Variants in OTOGL observed in about 807,000 individuals in gnomAD.
The protein encoded by OTOGL is otogelin-like protein.
In OTOGL, 285 loss-of-function variants were observed where a neutral mutation model predicts 318.5. The observed-to-expected ratio is 0.89, with a 90% CI of 0.81 to 0.99. The LOEUF is 0.99. OTOGL is among the 50% of genes least tolerant of loss of function. OTOGL has a pLI of 0.00. For synonymous variants in OTOGL, 987 were observed against 936.5 expected (o/e 1.05, Z -0.99); for missense variants, 2,899 against 2,845.6 (o/e 1.02, Z -0.43).
chr12:80,227,223 T>G (rs1340398127), intron 7 of OTOGL, among the ~76,000 whole-genome samples: 2 of 152,200 alleles, frequency 1.3e-5, no homozygotes, highest in Non-Finnish European at 2.9e-5. Context: ...ACCTTTCTAC[T>G]TCAGTTATAC....
chr12:80,160,357 T>A (rs1873424057), intron 1 of OTOGL, among the ~76,000 whole-genome samples: 1 of 152,080 alleles, frequency 6.6e-6, no homozygotes, highest in African/African-American at 2.4e-5. Flanking sequence ...AAAGGACTAA[T>A]ATCCAGAATC....
At chr12:80,156,010 C>T (rs1261621635) in intron 1 of OTOGL, among the ~76,000 whole-genome samples, 1 of 152,110 alleles carries the variant, frequency 6.6e-6, no homozygotes, top group Non-Finnish European at 1.5e-5. Context: ...TTTCTTTATC[C>T]ACTTGTGATG....
At chr12:80,255,501 C>A (rs1881955430) in intron 16 of OTOGL, among the ~76,000 whole-genome samples, 1 of 151,770 alleles carries the variant, frequency 6.6e-6, no homozygotes, top group Admixed American at 6.6e-5. Context: ...GTTTTTTGTA[C>A]ATATAGTTTT....
intron 24 of OTOGL, among the ~76,000 whole-genome samples, chr12:80,276,970 A>T (rs1883854075): frequency 6.6e-6 from 1 of 151,436 alleles, no homozygotes; most frequent in Non-Finnish European, 1.5e-5. Flanking sequence ...GAGAAGAGGC[A>T]AGAATTCAGG....
At chr12:80,197,958 T>G (rs530306895) in intron 1 of OTOGL, among the ~76,000 whole-genome samples, 2 of 152,282 alleles carry the variant, frequency 1.3e-5, no homozygotes, top group Non-Finnish European at 2.9e-5. Flanking sequence ...CTTTCAAACT[T>G]TCTATTTTTT....
chr12:80,181,798 G>A (rs144196287), intron 1 of OTOGL, among the ~76,000 whole-genome samples: 2 of 152,174 alleles, frequency 1.3e-5, no homozygotes, highest in African/African-American at 4.8e-5. Context: ...ATGTAAGTAG[G>A]CTTGTATATA....
intron 34 of OTOGL, 90 bp downstream of exon 34, chr12:80,320,790 C>T (rs899258214): frequency 7.6e-7 from 1 of 1,318,618 alleles, no homozygotes; most frequent in Non-Finnish European, 1.0e-6. Flanking sequence ...ACCATTCTTA[C>T]TGCATATAAG....
At chr12:80,163,466 G>A (rs12368150) in intron 1 of OTOGL, among the ~76,000 whole-genome samples, 34,643 of 151,998 alleles carry the variant, frequency 0.23, 5,430 homozygotes, top group African/African-American at 0.46. Context: ...GCAGATCAAC[G>A]TTTCTGAGAT....
chr12:80,159,940 A>G (rs1283385313), intron 1 of OTOGL, among the ~76,000 whole-genome samples: 1 of 152,120 alleles, frequency 6.6e-6, no homozygotes, highest in Non-Finnish European at 1.5e-5. Context: ...CCCAGAAATA[A>G]AGTCACATAC....
At chr12:80,145,465 C>G (rs367572146) in intron 1 of OTOGL, among the ~76,000 whole-genome samples, 65 of 151,856 alleles carry the variant, frequency 4.3e-4, no homozygotes, top group African/African-American at 6.3e-4. Flanking sequence ...CTGTAGCCTT[C>G]TAGTATAGTT....
intron 6 of OTOGL, 112 bp downstream of exon 6, chr12:80,220,024 C>T: frequency 1.3e-6 from 1 of 765,312 alleles, no homozygotes; most frequent in Non-Finnish European, 2.1e-6. Flanking sequence ...ACTAGAGAGC[C>T]CACAATTCAT....
chr12:80,137,001 T>A (rs945167374), intron 1 of OTOGL, among the ~76,000 whole-genome samples: 1 of 152,164 alleles, frequency 6.6e-6, no homozygotes, highest in African/African-American at 2.4e-5. Flanking sequence ...GTTTGTTGGC[T>A]GGATTAATGC....
chr12:80,255,846 T>C (rs970630670), intron 16 of OTOGL, among the ~76,000 whole-genome samples: 1 of 150,796 alleles, frequency 6.6e-6, no homozygotes, highest in Non-Finnish European at 1.5e-5. Flanking sequence ...CTGAACTGCT[T>C]TATTTGTTTT....
intron 1 of OTOGL, among the ~76,000 whole-genome samples, chr12:80,134,477 A>T (rs1342482055): frequency 6.6e-6 from 1 of 152,176 alleles, no homozygotes; most frequent in African/African-American, 2.4e-5. Context: ...TTGGAATATG[A>T]TTACCTCTCT....
At chr12:80,232,739 G>A (rs1390374166) in intron 8 of OTOGL, among the ~76,000 whole-genome samples, 153 bp from the exon 9 acceptor site, 2 of 152,212 alleles carry the variant, frequency 1.3e-5, no homozygotes, top group African/African-American at 4.8e-5. Context: ...AGATTTTCCA[G>A]AGGATGGTTG....
At chr12:80,150,323 G>GT (rs1194604642) in intron 1 of OTOGL, among the ~76,000 whole-genome samples, 2 of 152,116 alleles carry the variant, frequency 1.3e-5, no homozygotes, top group African/African-American at 4.8e-5. Context: ...AGAATAATGT[G>GT]TTTCTTGCTG....
At chr12:80,233,158 G>A (rs544278457) in intron 9 of OTOGL, 61 bp downstream of exon 9, 1 of 1,421,492 alleles carries the variant, frequency 7.0e-7, no homozygotes, top group African/African-American at 1.4e-5. Flanking sequence ...CCCTGACCAA[G>A]TTGTTTGTAC....
intron 53 of OTOGL, among the ~76,000 whole-genome samples, chr12:80,367,122 A>T (rs1890588643): frequency 6.9e-6 from 1 of 144,752 alleles, no homozygotes; most frequent in African/African-American, 2.5e-5. Flanking sequence ...TACTACAGAC[A>T]TGCACCACCA....
At chr12:80,213,127 C>T (rs1877400810) in intron 4 of OTOGL, among the ~76,000 whole-genome samples, 1 of 152,164 alleles carries the variant, frequency 6.6e-6, no homozygotes, top group Non-Finnish European at 1.5e-5. Flanking sequence ...TGACCATATG[C>T]TAAACAAGAG....
Sources: allele counts gnomAD v4.1 joint callset (sites outside exome capture counted in the v4.1 genomes callset), GRCh38; gene constraint gnomAD v4.1.1; transcripts MANE v1.5; gene names NCBI Gene and HGNC (gene_info 2026-07-23, HGNC 2026-07-21).